The following DLG5 variants were observed in gnomAD, a reference collection of about 807,000 sequenced individuals.
DLG5 encodes the protein disks large homolog 5.
DLG5 carries 48 observed loss-of-function variants against 189.8 expected under a neutral mutation model. That is an observed-to-expected ratio of 0.25 (90% CI 0.20 to 0.32). The LOEUF is 0.32. Ranked by LOEUF, DLG5 falls within the 10% of genes least tolerant of loss-of-function variation. The probability of loss-of-function intolerance (pLI) is 1.00; values close to 1 mark genes in which losing one functional copy is unlikely to be tolerated. For missense variants in DLG5, 2,160 were observed against 2,544.7 expected (o/e 0.85, Z 3.25); for synonymous variants, 1,016 against 1,054.1 (o/e 0.96, Z 0.70).
At chr10:77,936,846 A>T in the DLG5 span, among the ~76,000 whole-genome samples, 1 of 152,174 alleles carries the variant, frequency 6.6e-6, no homozygotes, top group African/African-American at 2.4e-5. Flanking sequence ...CTGTTAAAAC[A>T]TTCCTACAAT....
intron 1 of DLG5, among the ~76,000 whole-genome samples, chr10:77,900,478 C>G (rs1411927633): frequency 6.6e-6 from 1 of 152,200 alleles, no homozygotes; most frequent in Non-Finnish European, 1.5e-5. Flanking sequence ...CAGACCTTCA[C>G]CCCGGGGCCC....
At chr10:77,869,054 C>T in intron 2 of DLG5, 75 bp downstream of exon 2, 1 of 1,270,374 alleles carries the variant, frequency 7.9e-7, no homozygotes, top group Non-Finnish European at 1.1e-6. Context: ...CTTCCTCTCC[C>T]ATGAACCCCA....
At chr10:77,825,837 G>A (rs139519912) in intron 13 of DLG5, among the ~76,000 whole-genome samples, 8 of 152,232 alleles carry the variant, frequency 5.3e-5, no homozygotes, top group East Asian at 3.9e-4. Flanking sequence ...GATTACAGGC[G>A]TGAGCCACCA....
the DLG5 span, among the ~76,000 whole-genome samples, chr10:77,932,503 C>A: frequency 6.6e-6 from 1 of 152,078 alleles, no homozygotes; most frequent in Non-Finnish European, 1.5e-5. Flanking sequence ...GAAAGTACCT[C>A]AAAAAGGAGA....
At chr10:77,925,646 G>A (rs532113559) in intron 1 of DLG5, among the ~76,000 whole-genome samples, 1 of 152,206 alleles carries the variant, frequency 6.6e-6, no homozygotes, top group South Asian at 2.1e-4. Flanking sequence ...CAACTTTTCC[G>A]GGCCCAGTTT....
the DLG5 span, among the ~76,000 whole-genome samples, chr10:77,939,015 T>C: frequency 7.9e-5 from 12 of 152,114 alleles, no homozygotes; most frequent in African/African-American, 2.7e-4. Flanking sequence ...AAACCGTCTC[T>C]ACTAAAAATA....
chr10:77,816,801 C>G (rs944301469), intron 19 of DLG5, 100 bp from the exon 20 acceptor site: 2 of 1,489,476 alleles, frequency 1.3e-6, no homozygotes, highest in Non-Finnish European at 1.8e-6. Flanking sequence ...AGCTCTATCC[C>G]CACTGCATCG....
chr10:77,798,422 T>C (rs12357670), intron 27 of DLG5, among the ~76,000 whole-genome samples: 41,320 of 151,938 alleles, frequency 0.27, 6,235 homozygotes, highest in Non-Finnish European at 0.35. Context: ...ATCCTCTCTG[T>C]AACAAATCTG....
At chr10:77,870,713 A>T (rs1844862554) in intron 1 of DLG5, among the ~76,000 whole-genome samples, 2 of 151,492 alleles carry the variant, frequency 1.3e-5, no homozygotes. Flanking sequence ...ACACTCTTCC[A>T]CTGCAATTCT....
intron 31 of DLG5, 98 bp downstream of exon 31, chr10:77,793,910 G>T: frequency 9.1e-7 from 1 of 1,093,720 alleles, no homozygotes; most frequent in South Asian, 1.3e-5. Context: ...GGAGCATGTA[G>T]AAAGTGCGGG....
Position 77,792,444 on chromosome 10 carries a change from A to G in DLG5, c.5756T>C (p.Leu1919Pro), listed in dbSNP as rs1190939334. Reference sequence around the variant, plus strand: ...CATCCACAGCACAGCATTCTCCTAGAGCGGGCAGGCTGGAATCCACAGGAC... The same window carrying G: ...CATCCACAGCACAGCATTCTCCTAGGGCGGGCAGGCTGGAATCCACAGGAC... ...NKVLWIPACP[L>P] is the part of the protein sequence containing the mutation. The change falls in exon 32 of 32, where the codon CTC (leucine) becomes CCC (proline). Residue 1919 changes from leucine to proline, a missense_variant. Leu to Pro is a moderately conservative substitution (Grantham distance 98). This residue lies in a region of DLG5 where 574 missense variants were observed against 644.2 expected (regional missense o/e 0.89). Transcript: ENST00000372391. The G allele has an allele frequency of 6.2e-7, 1 of 1,614,120 alleles. No individual in the cohort carries two copies. The highest frequency in any genetic ancestry group is 2.2e-5 in the East Asian group (1 of 44,878).
intron 3 of DLG5, 137 bp from the exon 4 acceptor site, chr10:77,854,507 T>C (rs1301175839): frequency 1.7e-6 from 2 of 1,174,396 alleles, no homozygotes; most frequent in African/African-American, 3.1e-5. Context: ...TGGGTGTTTG[T>C]TAAACTCAGA....
At chr10:77,837,997 T>C (rs1480486648) in intron 7 of DLG5, among the ~76,000 whole-genome samples, 1 of 152,184 alleles carries the variant, frequency 6.6e-6, no homozygotes, top group Non-Finnish European at 1.5e-5. Context: ...GTGGTGCCCC[T>C]GAGCAGATGG....
intron 1 of DLG5, among the ~76,000 whole-genome samples, chr10:77,880,331 G>C (rs1845239293): frequency 6.6e-6 from 1 of 152,210 alleles, no homozygotes; most frequent in Admixed American, 6.5e-5. Flanking sequence ...GCGCATGCCT[G>C]TAATCCCAGC....
At chr10:77,806,718 A>ACGCCCCCCCCC in intron 26 of DLG5, 40 bp downstream of exon 26, 12 of 1,333,650 alleles carry the variant, frequency 9.0e-6, no homozygotes, top group Non-Finnish European at 1.3e-5. Context: ...GCCCTCGGCG[A>ACGCCCCCCCCC]CCCCTGCCCC....
intron 30 of DLG5, 23 bp downstream of exon 30, chr10:77,794,826 A>C: frequency 1.3e-6 from 2 of 1,592,806 alleles, no homozygotes; most frequent in Non-Finnish European, 1.7e-6. Flanking sequence ...GCCCCAGCGG[A>C]GCCCAGGGGG....
rs1401097379 is a variant in DLG5 at position 77,819,314 on chromosome 10, C to CACAT, written c.3671+3_3671+6dup. 17 of 1,613,676 alleles carry CACAT rather than the reference C, an allele frequency of 1.1e-5. No individual in the cohort carries two copies. The highest frequency in any genetic ancestry group is 1.4e-5 in the Non-Finnish European group (17 of 1,179,964). On this transcript the variant is annotated splice_region_variant and intron_variant, in intron 17 of 31. Transcript: ENST00000372391. ...AGTACAGAGAAGCGTAGGGTGCCTTCACATACCTGGGATGCAAACCCTGGG... is the reference window on the plus strand; with the variant it reads ...AGTACAGAGAAGCGTAGGGTGCCTTCACATACATACCTGGGATGCAAACCCTGGG...
At chr10:77,846,167 C>G (rs1843680561) in intron 5 of DLG5, among the ~76,000 whole-genome samples, 1 of 151,810 alleles carries the variant, frequency 6.6e-6, no homozygotes, top group South Asian at 2.1e-4. Flanking sequence ...ATTGCTTGAA[C>G]CCAGGATGCG....
At position 77,877,857 on chromosome 10, in the gene DLG5, A is replaced by AGAAGGGCCGGCC. The variant is rs1554827726; in HGVS notation, c.305-8661_305-8660insGGCCGGCCCTTC. ...CACAAGGCGAGGTGTGAAGGAGTGG[A>AGAAGGGCCGGCC]GCAGCGCCTCTGCCCCGCCACCCTG... On this transcript the variant is annotated intron_variant, in intron 1 of 31. Coordinates refer to ENST00000372391, the MANE Select transcript of DLG5 (RefSeq NM_004747.4). 2.6e-5 allele frequency among the ~76,000 whole-genome samples: 4 copies of AGAAGGGCCGGCC among 152,018 alleles called. No homozygotes were observed. The South Asian group carries it at 8.3e-4, about 32-fold the overall frequency.
Sources: gnomAD v4.1 joint callset for allele counts (sites outside exome capture counted in the v4.1 genomes callset) on GRCh38, gnomAD v4.1.1 for gene constraint, gnomAD v4.1.1 regional missense constraint, MANE v1.5 for transcripts, NCBI Gene and HGNC (gene_info 2026-07-23, HGNC 2026-07-21) for gene names.